Variants in NAV2 observed in about 807,000 individuals in gnomAD.
The protein encoded by NAV2 is helicase, APC down-regulated 1.
A neutral mutation model predicts 223.2 loss-of-function variants in NAV2; 54 were observed. The ratio of observed to expected loss-of-function variants is 0.24; its 90% CI spans 0.19 to 0.30. The LOEUF (loss-of-function observed/expected upper bound fraction) is 0.30, where lower values mean the gene tolerates loss of function less well. NAV2 is among the 10% of genes least tolerant of loss of function. The pLI, the probability that NAV2 is intolerant of heterozygous loss-of-function variation, is 1.00. For missense variants in NAV2, 2,806 were observed against 3,147.5 expected, an observed-to-expected ratio of 0.89 and a Z score of 2.60; for synonymous variants, 1,279 against 1,239.3, an observed-to-expected ratio of 1.03 and a Z score of -0.67.
chr11:19,362,380 A>T (rs1256946927), intron 1 of NAV2, among the ~76,000 whole-genome samples: 4 of 152,060 alleles, frequency 2.6e-5, no homozygotes, highest in Non-Finnish European at 5.9e-5. Context: ...TTTTTTTTAA[A>T]TTGAGCTTTG....
intron 1 of NAV2, among the ~76,000 whole-genome samples, chr11:19,418,075 A>G (rs988571622): frequency 1.3e-5 from 2 of 152,166 alleles, no homozygotes; most frequent in Admixed American, 6.5e-5. Flanking sequence ...CTATGTAACA[A>G]ACCTGCATGT....
chr11:19,542,102 C>A (rs1377888445), intron 1 of NAV2, among the ~76,000 whole-genome samples: 1 of 152,308 alleles, frequency 6.6e-6, no homozygotes, highest in East Asian at 1.9e-4. Context: ...CCCTTCCACC[C>A]ACCCTTAACA....
chr11:20,027,814 G>A (rs995411525), intron 11 of NAV2: 2 of 152,218 alleles, frequency 1.3e-5, no homozygotes, highest in African/African-American at 4.8e-5. Flanking sequence ...CATTTGAAAG[G>A]TGTAATGATC....
At chr11:19,793,022 A>T (rs2057633359) in intron 1 of NAV2, among the ~76,000 whole-genome samples, 1 of 151,952 alleles carries the variant, frequency 6.6e-6, no homozygotes, top group Non-Finnish European at 1.5e-5. Context: ...CAGCCTGGCC[A>T]ACATGGCGAA....
At chr11:20,053,218 G>GAAAAA (rs60421659) in intron 17 of NAV2, among the ~76,000 whole-genome samples, 1 of 40,966 alleles carries the variant, frequency 2.4e-5, no homozygotes, top group African/African-American at 1.0e-4. Flanking sequence ...ACTACGTCTC[G>GAAAAA]AAAAAAAAAA....
chr11:19,402,869 A>T (rs1294053474), intron 1 of NAV2, among the ~76,000 whole-genome samples: 1 of 152,248 alleles, frequency 6.6e-6, no homozygotes, highest in Non-Finnish European at 1.5e-5. Flanking sequence ...GGAGAGAGTA[A>T]GAATAACAGA....
chr11:19,846,404 C>G (rs569316584), intron 3 of NAV2, among the ~76,000 whole-genome samples: 4 of 152,238 alleles, frequency 2.6e-5, no homozygotes, highest in African/African-American at 9.6e-5. Context: ...GAGGTCTTTT[C>G]AGACCTGGGA....
chr11:19,843,619 A>G (rs2060620880), intron 3 of NAV2, among the ~76,000 whole-genome samples: 1 of 152,178 alleles, frequency 6.6e-6, no homozygotes, highest in Non-Finnish European at 1.5e-5. Flanking sequence ...CTTCAAAACA[A>G]ATTTCAAGCA....
At chr11:19,910,193 G>T (rs1036745559) in intron 6 of NAV2, among the ~76,000 whole-genome samples, 16 of 152,192 alleles carry the variant, frequency 1.1e-4, no homozygotes, top group Non-Finnish European at 1.6e-4. Flanking sequence ...GGCCAGTGTT[G>T]ACATTTGAAC....
chr11:19,665,673 C>A (rs1415887273), intron 1 of NAV2, among the ~76,000 whole-genome samples: 1 of 152,156 alleles, frequency 6.6e-6, no homozygotes, highest in Non-Finnish European at 1.5e-5. Flanking sequence ...TGAGGACAAG[C>A]CTATCTCAAA....
At chr11:20,015,698 G>A (rs1181189403) in intron 11 of NAV2, among the ~76,000 whole-genome samples, 3 of 152,150 alleles carry the variant, frequency 2.0e-5, no homozygotes, top group African/African-American at 7.2e-5. Flanking sequence ...CCAGCACAAT[G>A]CCTGGCACAC....
chr11:19,853,632 C>A (rs1458966495), intron 3 of NAV2, among the ~76,000 whole-genome samples: 1 of 152,138 alleles, frequency 6.6e-6, no homozygotes, highest in Non-Finnish European at 1.5e-5. Context: ...CTTGTACATT[C>A]TTTTTTCTTA....
chr11:20,002,436 G>A (rs2153488111), intron 11 of NAV2, among the ~76,000 whole-genome samples: 1 of 152,242 alleles, frequency 6.6e-6, no homozygotes, highest in East Asian at 1.9e-4. Context: ...CGCAGTCAGG[G>A]AGATGTCAGT....
intron 1 of NAV2, among the ~76,000 whole-genome samples, chr11:19,459,486 T>C (rs1852078405): frequency 6.6e-6 from 1 of 152,174 alleles, no homozygotes; most frequent in African/African-American, 2.4e-5. Context: ...GGGGAGGTGA[T>C]CATCTGATCA....
chr11:19,584,196 T>C (rs1485433681), intron 1 of NAV2, among the ~76,000 whole-genome samples: 1 of 152,234 alleles, frequency 6.6e-6, no homozygotes, highest in East Asian at 1.9e-4. Flanking sequence ...CTGATGGTTT[T>C]TTGTATTTCT....
At chr11:19,947,016 G>A (rs903431924) in intron 9 of NAV2, among the ~76,000 whole-genome samples, 1 of 152,152 alleles carries the variant, frequency 6.6e-6, no homozygotes. Flanking sequence ...GAAACATCAG[G>A]TGCTTTCATT....
intron 1 of NAV2, among the ~76,000 whole-genome samples, chr11:19,608,177 C>T (rs975589128): frequency 6.6e-6 from 1 of 152,256 alleles, no homozygotes; most frequent in African/African-American, 2.4e-5. Flanking sequence ...GGCTTGGGGA[C>T]TGTTCAGAGC....
chr11:19,564,982 A>G (rs78843068), intron 1 of NAV2, among the ~76,000 whole-genome samples: 6,632 of 152,260 alleles, frequency 0.044, 532 homozygotes, highest in African/African-American at 0.15. Context: ...TAAAAAATAC[A>G]AAGATAGCCA....
intron 1 of NAV2, among the ~76,000 whole-genome samples, chr11:19,776,687 T>C (rs1480997337): frequency 1.4e-5 from 2 of 138,922 alleles, no homozygotes; most frequent in African/African-American, 5.4e-5. Context: ...GTTAGAGTTG[T>C]GGGGGTCAGA....
Sources: gnomAD v4.1 joint callset for allele counts (sites outside exome capture counted in the v4.1 genomes callset) on GRCh38, gnomAD v4.1.1 for gene constraint, MANE v1.5 for transcripts, NCBI Gene and HGNC (gene_info 2026-07-23, HGNC 2026-07-21) for gene names.